CCDC61: variants seen among roughly 807,000 people sequenced by gnomAD.
The protein encoded by CCDC61 is coiled-coil domain containing 61.
CCDC61 carries 55 observed loss-of-function variants against 63.0 expected under a neutral mutation model. The ratio of observed to expected loss-of-function variants is 0.87; its 90% CI spans 0.70 to 1.09. The LOEUF is 1.09. CCDC61 is among the 50% of genes least tolerant of loss of function. The pLI is 0.00. For synonymous variants in CCDC61, 270 were observed against 317.0 expected (o/e 0.85, Z 1.58); for missense variants, 651 against 731.4 (o/e 0.89, Z 1.27).
chr19:46,014,971 T>A (rs1051622645), intron 5 of CCDC61, 78 bp from the exon 6 acceptor site: 1 of 1,269,872 alleles, frequency 7.9e-7, no homozygotes. Flanking sequence ...GGTGAAATGA[T>A]GAGGCGTCCC....
Position 46,016,248 on chromosome 19 carries a change from G to T in CCDC61, c.1015+25G>T. On this transcript the variant is annotated intron_variant, in intron 8 of 13. Coordinates refer to ENST00000595358, the MANE Select transcript of CCDC61 (RefSeq NM_001267723.2). This position sits in a 1 kb window ranked among gnomAD's most constrained non-coding sequence, Gnocchi z 7.2. ...GGTCTGTGCCCCTGCCCTGCGGTAG[G>T]GAGGGGACGCACTGGCGCTGCCAAG... The T allele has an allele frequency of 6.3e-7, 1 of 1,594,834 alleles. No homozygotes were observed. The highest frequency in any genetic ancestry group is 8.5e-7 in the Non-Finnish European group (1 of 1,170,832).
chr19:46,004,525 C>T (rs142356754), intron 3 of CCDC61, among the ~76,000 whole-genome samples: 7 of 152,274 alleles, frequency 4.6e-5, no homozygotes, highest in South Asian at 4.1e-4. Context: ...AGTGCAGTGG[C>T]GTGATCTCAA....
intron 1 of CCDC61, among the ~76,000 whole-genome samples, chr19:45,999,613 G>A (rs1240019128): frequency 6.6e-6 from 1 of 152,136 alleles, no homozygotes. Context: ...TGAGCCCAGC[G>A]TGGAGAGTTT....
chr19:46,006,070 A>G (rs913344737), intron 3 of CCDC61, among the ~76,000 whole-genome samples: 2 of 151,700 alleles, frequency 1.3e-5, no homozygotes, highest in African/African-American at 4.8e-5. Flanking sequence ...TTGTTTGTTT[A>G]TTTCTCTTCC....
At chr19:46,012,805 C>T (rs1445509787) in intron 5 of CCDC61, among the ~76,000 whole-genome samples, 1 of 149,600 alleles carries the variant, frequency 6.7e-6, no homozygotes, top group African/African-American at 2.4e-5. Flanking sequence ...AACTATGCAT[C>T]CCTAAACAAT....
At chr19:46,009,482 ACTG>A (rs1298192700) in intron 5 of CCDC61, among the ~76,000 whole-genome samples, 2 of 152,196 alleles carry the variant, frequency 1.3e-5, no homozygotes, top group Non-Finnish European at 2.9e-5. Flanking sequence ...CAAGGTAGGC[ACTG>A]CTATTATCAC....
chr19:46,017,314 AG>A lies in CCDC61; in HGVS notation c.1368+14del. The A allele has an allele frequency of 6.4e-7, 1 of 1,557,240 alleles. No homozygotes were observed. Among genetic ancestry groups the A allele is most frequent in the Non-Finnish European group, 8.7e-7 (1 of 1,150,122 alleles). ...GAGTGGGTCCAATATGGTGAGTAGA[AG>A]GGGCAACATAAACCACTGGAACACA... On this transcript the variant is annotated intron_variant, in intron 12 of 13. Transcript: ENST00000595358.
rs1414173375 is a variant in CCDC61 at position 46,015,154 on chromosome 19, G to T, written c.657G>T (p.Leu219=). Residue 219 remains leucine, a synonymous_variant, in exon 6 of 14, where the codon CTG becomes CTT. Coordinates refer to ENST00000595358, the MANE Select transcript of CCDC61 (RefSeq NM_001267723.2). This position sits in a 1 kb window ranked among gnomAD's most constrained non-coding sequence, Gnocchi z 5.3. ...GRAARQEAEA[L]RGLVRGLELE... ...CGGCACGCCAGGAGGCCGAGGCGCT[G>T]CGCGGGCTGGTGCGCGGGCTGGAGC... 7.9e-7 allele frequency: 1 copy of T among 1,266,814 alleles called. No individual in the cohort carries two copies. The highest frequency in any genetic ancestry group is 9.9e-7 in the Non-Finnish European group (1 of 1,010,522). 78.5% of individuals were successfully genotyped at this position (1,266,814 alleles called of 1,614,324 possible).
chr19:46,006,498 A>G, intron 3 of CCDC61, 61 bp from the exon 4 acceptor site: 1 of 1,448,234 alleles, frequency 6.9e-7, no homozygotes, highest in Non-Finnish European at 9.2e-7. Flanking sequence ...GGTGTGTGCT[A>G]GGTGCCCTCC....
At chr19:46,003,634 T>C (rs1181413356) in intron 3 of CCDC61, 133 bp downstream of exon 3, 2 of 573,606 alleles carry the variant, frequency 3.5e-6, no homozygotes, top group Non-Finnish European at 6.1e-6. Flanking sequence ...GATCATTTTC[T>C]TCTTTTGCCA....
chr19:46,013,085 C>T (rs879376609), intron 5 of CCDC61, among the ~76,000 whole-genome samples: 3 of 152,058 alleles, frequency 2.0e-5, no homozygotes, highest in Non-Finnish European at 4.4e-5. Context: ...AATGTCAGCT[C>T]ACTGCAATCT....
chr19:46,000,991 G>C (rs1435617886), intron 1 of CCDC61, among the ~76,000 whole-genome samples: 1 of 151,864 alleles, frequency 6.6e-6, no homozygotes, highest in Non-Finnish European at 1.5e-5. Context: ...ACCACGAGTG[G>C]GGGCGGTGAT....
intron 2 of CCDC61, 100 bp from the exon 3 acceptor site, chr19:46,003,319 C>G: frequency 2.1e-6 from 3 of 1,433,598 alleles, no homozygotes; most frequent in Admixed American, 4.0e-5. Context: ...GTTGCTCAAG[C>G]CAGAGACACT....
intron 5 of CCDC61, among the ~76,000 whole-genome samples, chr19:46,010,263 G>A (rs998456820): frequency 6.6e-6 from 1 of 152,198 alleles, no homozygotes; most frequent in Non-Finnish European, 1.5e-5. Flanking sequence ...CACCCAGCTT[G>A]TTAACAAGTG....
At chr19:46,009,816 A>ATGTGTGTGTG (rs761965873) in intron 5 of CCDC61, among the ~76,000 whole-genome samples, 2 of 113,210 alleles carry the variant, frequency 1.8e-5, no homozygotes, top group Non-Finnish European at 3.8e-5. Context: ...GTGTGTGTGT[A>ATGTGTGTGTG]TGTGTGTGTG....
chr19:46,002,911 C>A, intron 1 of CCDC61, 97 bp from the exon 2 acceptor site: 2 of 1,235,414 alleles, frequency 1.6e-6, no homozygotes, highest in Non-Finnish European at 2.3e-6. Context: ...GATGCCACAG[C>A]TGGTAAATGA....
chr19:46,016,790 C>A lies in CCDC61; in HGVS notation c.1188C>A (p.Gly396=). 1.3e-6 allele frequency: 2 copies of A among 1,545,420 alleles called. No homozygotes were observed. The highest frequency in any genetic ancestry group is 8.7e-7 in the Non-Finnish European group (1 of 1,145,616). ...CCCAGCCCCCTGCTGCCTTGACTGG[C>A]CGAGGGGACGCCCCTAACCGCTCCC... The part of the protein sequence containing the change: ...RQTQPPAALT[G]RGDAPNRSRN... The change falls in exon 10 of 14, where the codon GGC becomes GGA. Residue 396 remains glycine (G), a synonymous_variant. Transcript: ENST00000595358. The surrounding 1 kb of genome is among the most constrained non-coding windows in gnomAD (Gnocchi z 7.2).
chr19:46,004,655 G>A (rs1968664551), intron 3 of CCDC61, among the ~76,000 whole-genome samples: 2 of 151,236 alleles, frequency 1.3e-5, no homozygotes, highest in Admixed American at 6.6e-5. Context: ...AGTAGAGATG[G>A]GGTTTCACTG....
intron 5 of CCDC61, among the ~76,000 whole-genome samples, chr19:46,014,456 C>T (rs2146483304): frequency 6.6e-6 from 1 of 152,314 alleles, no homozygotes; most frequent in East Asian, 1.9e-4. Context: ...CTACTTTCCT[C>T]TTTATAGTTT....
Sources: allele counts gnomAD v4.1 joint callset (sites outside exome capture counted in the v4.1 genomes callset), GRCh38; gene constraint gnomAD v4.1.1; non-coding constraint Gnocchi (gnomAD v3.1); transcripts MANE v1.5; gene names NCBI Gene and HGNC (gene_info 2026-07-23, HGNC 2026-07-21).